Variants in SMAD1 observed in about 807,000 individuals in gnomAD.
The protein encoded by SMAD1 is SMAD family member 1.
SMAD1 carries 6 observed loss-of-function variants against 41.6 expected under a neutral mutation model. The observed-to-expected ratio is 0.14, with a 90% CI of 0.08 to 0.28. The LOEUF is 0.28. SMAD1 is among the 10% of genes least tolerant of loss of function. The pLI is 1.00. For synonymous variants in SMAD1, 206 were observed against 203.2 expected, an observed-to-expected ratio of 1.01 and a Z score of -0.12; for missense variants, 379 against 582.6, an observed-to-expected ratio of 0.65 and a Z score of 3.60.
rs984788923 is a variant in SMAD1, at chr4:145,482,304, G to T, written c.-177+266G>T. On this transcript the variant is annotated intron_variant, in intron 1 of 6. Coordinates refer to ENST00000302085, the MANE Select transcript of SMAD1 (RefSeq NM_005900.3). The surrounding 1 kb of genome is among the most constrained non-coding windows in gnomAD (Gnocchi z 4.2). ...ACGTCTTCTCGCGCCCAGCCCGCCG[G>T]GCTCCCCTGGTGTCTTTGTTGGGTC... Among the ~76,000 whole-genome samples the T allele has an allele frequency of 2.6e-5, 4 of 151,490 alleles. No individual in the cohort carries two copies. The highest frequency in any genetic ancestry group is 4.4e-5 in the Non-Finnish European group (3 of 67,810).
intron 2 of SMAD1, chr4:145,525,906 G>C (rs1730993206): frequency 6.6e-6 from 1 of 152,170 alleles, no homozygotes; most frequent in Non-Finnish European, 1.5e-5. Flanking sequence ...GGAGTGTTTG[G>C]CAATTTTCCT....
intron 1 of SMAD1, chr4:145,503,948 G>C (rs1360061212): frequency 2.6e-5 from 4 of 152,134 alleles, no homozygotes; most frequent in Admixed American, 6.5e-5. Flanking sequence ...GGATCGGCTC[G>C]GGCCACTGCG....
At chr4:145,546,110 T>C (rs1560761408) in intron 4 of SMAD1, 1 of 152,848 alleles carries the variant, frequency 6.5e-6, no homozygotes, top group African/African-American at 2.4e-5. Flanking sequence ...CAAGATTTCT[T>C]CCTGAGTTTG....
chr4:145,553,439 T>C (rs1732663872), intron 5 of SMAD1, among the ~76,000 whole-genome samples: 1 of 152,116 alleles, frequency 6.6e-6, no homozygotes, highest in Non-Finnish European at 1.5e-5. Context: ...TAGATTCTCA[T>C]AAGGAGCACG....
chr4:145,495,897 A>G (rs573767166), intron 1 of SMAD1, among the ~76,000 whole-genome samples: 1 of 151,410 alleles, frequency 6.6e-6, no homozygotes, highest in African/African-American at 2.4e-5. Context: ...GGTGTGAGCC[A>G]TTGCACCTGG....
chr4:145,556,020 T>A (rs1032487248), intron 6 of SMAD1, among the ~76,000 whole-genome samples: 1 of 152,230 alleles, frequency 6.6e-6, no homozygotes, highest in Non-Finnish European at 1.5e-5. Flanking sequence ...TACAAAACTG[T>A]TCTTTATTAT....
At chr4:145,504,754 T>A (rs763291987) in intron 1 of SMAD1, among the ~76,000 whole-genome samples, 1 of 152,226 alleles carries the variant, frequency 6.6e-6, no homozygotes, top group Non-Finnish European at 1.5e-5. Context: ...CTTCTGGACT[T>A]CTGATTAATT....
In SMAD1 at chr4:145,554,013, G is replaced by C; in HGVS notation, c.1227G>C (p.Met409Ile). 6.2e-7 allele frequency: 1 copy of C among 1,613,502 alleles called. No individual in the cohort carries two copies. The highest frequency in any genetic ancestry group is 8.5e-7 in the Non-Finnish European group (1 of 1,179,914). ...AGACAGTCTATGAGCTTACAAAAATGTGTACTATACGTATGAGCTTTGTGA... is the reference window on the plus strand; with the variant it reads ...AGACAGTCTATGAGCTTACAAAAATCTGTACTATACGTATGAGCTTTGTGA... ...GFETVYELTKMCTIRMSFVKG... is the reference protein window; with the variant it reads ...GFETVYELTKICTIRMSFVKG... The change falls in exon 6 of 7, where the codon ATG becomes ATC. Residue 409 changes from methionine to isoleucine, a missense_variant. Physicochemically the swap from Met to Ile is conservative, Grantham distance 10. Transcript: ENST00000302085.
At chr4:145,510,719 A>G (rs1252861925) in intron 1 of SMAD1, among the ~76,000 whole-genome samples, 3 of 152,176 alleles carry the variant, frequency 2.0e-5, no homozygotes, top group African/African-American at 7.2e-5. Flanking sequence ...GATAATATGT[A>G]TATGAATTGG....
intron 2 of SMAD1, among the ~76,000 whole-genome samples, chr4:145,519,671 C>CT (rs963190837): frequency 6.6e-6 from 1 of 151,166 alleles, no homozygotes; most frequent in Non-Finnish European, 1.5e-5. Flanking sequence ...AAAAAACCCA[C>CT]TTTTTTAGCA....
Position 145,536,460 on chromosome 4 carries a change from A to G in SMAD1, c.401-3344A>G, listed in dbSNP as rs372278340. Among the ~76,000 whole-genome samples, 90 of 152,324 alleles carry G rather than the reference A, an allele frequency of 5.9e-4. 3 individuals carry two copies. The South Asian group carries it at 0.011, about 18-fold the overall frequency. ...CAAAGGCACAGGGACTAGCTTGAACAGGCACCCAATGGCCAAATCTAAGAC... is the reference window on the plus strand; with the variant it reads ...CAAAGGCACAGGGACTAGCTTGAACGGGCACCCAATGGCCAAATCTAAGAC... On this transcript the variant is annotated intron_variant, in intron 2 of 6. Transcript: ENST00000302085.
intron 1 of SMAD1, among the ~76,000 whole-genome samples, chr4:145,502,652 A>G (rs977157084): frequency 2.0e-5 from 3 of 152,222 alleles, no homozygotes; most frequent in African/African-American, 4.8e-5. Flanking sequence ...TTAATAGCAC[A>G]CTTGGCACAC....
intron 1 of SMAD1, chr4:145,498,100 G>T (rs1729195261): frequency 6.6e-6 from 1 of 152,212 alleles, no homozygotes; most frequent in Non-Finnish European, 1.5e-5. Flanking sequence ...CAAATTGCTT[G>T]TGAAGATATT....
At position 145,519,000 on chromosome 4, in the gene SMAD1, A is replaced by G. The variant is rs1235189184; in HGVS notation, c.400+3987A>G. ...CTAATTAACATATCTGTCACCTCCC[A>G]TGTGTATTTGCTTATTTCTTTCTTT... On this transcript the variant is annotated intron_variant, in intron 2 of 6. Transcript: ENST00000302085. 1.7e-5 allele frequency among the ~76,000 whole-genome samples: 2 copies of G among 120,096 alleles called. 1 individual carries two copies. Among genetic ancestry groups the G allele is most frequent in the African/African-American group, 5.3e-5 (2 of 38,052 alleles). 78.8% of individuals were successfully genotyped at this position (120,096 alleles called of 152,430 possible).
chr4:145,488,656 C>T (rs549059148), intron 1 of SMAD1, among the ~76,000 whole-genome samples: 2 of 152,118 alleles, frequency 1.3e-5, no homozygotes, highest in East Asian at 3.9e-4. Flanking sequence ...ATTCAGTTAA[C>T]TAAATGCAAG....
At chr4:145,534,068 C>T (rs1426710129) in intron 2 of SMAD1, among the ~76,000 whole-genome samples, 1 of 152,120 alleles carries the variant, frequency 6.6e-6, no homozygotes, top group African/African-American at 2.4e-5. Context: ...ATGCAGAGAC[C>T]TCAGGAGAAA....
chr4:145,508,305 G>A (rs1430947720), intron 1 of SMAD1, among the ~76,000 whole-genome samples: 1 of 151,950 alleles, frequency 6.6e-6, no homozygotes, highest in Non-Finnish European at 1.5e-5. Flanking sequence ...GTGTCTGTTG[G>A]AACAAGCCAT....
chr4:145,522,702 T>C (rs1347386086), intron 2 of SMAD1, among the ~76,000 whole-genome samples: 1 of 152,082 alleles, frequency 6.6e-6, no homozygotes, highest in East Asian at 1.9e-4. Context: ...TAATTTGAGA[T>C]GGAGTCTCGC....
At position 145,517,918 on chromosome 4, in the gene SMAD1, GATAGA is replaced by G. The variant is rs1730518528; in HGVS notation, c.400+2912_400+2916del. On this transcript the variant is annotated intron_variant, in intron 2 of 6. Coordinates refer to ENST00000302085, the MANE Select transcript of SMAD1 (RefSeq NM_005900.3). ...TTACCCAGGAATCTTGTGAGTCATGGATAGAATAGAACAGTTCTGGAAAACATGGA... is the reference window on the plus strand; with the variant it reads ...TTACCCAGGAATCTTGTGAGTCATGGATAGAACAGTTCTGGAAAACATGGA... Among the ~76,000 whole-genome samples, 4 of 126,840 alleles carry G rather than the reference GATAGA, an allele frequency of 3.2e-5. 2 individuals are homozygous for G. The highest frequency in any genetic ancestry group is 7.8e-5 in the Non-Finnish European group (4 of 51,554). 83.2% of individuals were successfully genotyped at this position (126,840 alleles called of 152,430 possible). A position where few individuals can be genotyped will look rare whatever the true frequency, so the allele number is the denominator to read the frequency against.
Sources: allele counts gnomAD v4.1 joint callset (sites outside exome capture counted in the v4.1 genomes callset), GRCh38; gene constraint gnomAD v4.1.1; non-coding constraint Gnocchi (gnomAD v3.1); transcripts MANE v1.5; gene names NCBI Gene and HGNC (gene_info 2026-07-23, HGNC 2026-07-21).